ASB3: variants seen among roughly 807,000 people sequenced by gnomAD.
ASB3 encodes the protein ankyrin repeat and SOCS box containing 3, also known as ankyrin repeat and SOCS box protein 3.
Under a neutral mutation model 54.5 loss-of-function variants are expected in ASB3, and 41 were observed. The ratio of observed to expected loss-of-function variants is 0.75; its 90% CI spans 0.59 to 0.98. The LOEUF (loss-of-function observed/expected upper bound fraction) is 0.98, where lower values mean the gene tolerates loss of function less well. Among genes scored for constraint, ASB3 ranks in the 50% least tolerant of loss-of-function variants. ASB3 has a pLI of 0.00. For synonymous variants in ASB3, 266 were observed against 221.2 expected, an observed-to-expected ratio of 1.20 and a Z score of -1.80; for missense variants, 733 against 620.0, an observed-to-expected ratio of 1.18 and a Z score of -1.94.
chr2:53,746,597 G>A (rs1672241509), intron 3 of ASB3, among the ~76,000 whole-genome samples: 1 of 151,554 alleles, frequency 6.6e-6, no homozygotes, highest in Non-Finnish European at 1.5e-5. Flanking sequence ...TCCAGCCTCA[G>A]CCTCCCAAGT....
chr2:53,672,451 G>A (rs553953456), intron 9 of ASB3, among the ~76,000 whole-genome samples: 2 of 152,234 alleles, frequency 1.3e-5, no homozygotes, highest in South Asian at 4.1e-4. Context: ...AATACATATG[G>A]AAAGCAGGCC....
intron 6 of ASB3, among the ~76,000 whole-genome samples, chr2:53,715,352 TA>T (rs1468090840): frequency 1.3e-5 from 2 of 152,216 alleles, no homozygotes; most frequent in Admixed American, 1.3e-4. Context: ...CAGACAGGGC[TA>T]CTCTGAAGTA....
intron 7 of ASB3, among the ~76,000 whole-genome samples, chr2:53,704,673 TAA>T (rs1669674812): frequency 6.6e-6 from 1 of 152,172 alleles, no homozygotes; most frequent in South Asian, 2.1e-4. Context: ...TCAAAATGAA[TAA>T]GTCTCATATT....
At chr2:53,784,285 T>C (rs1292555427) in intron 1 of ASB3, among the ~76,000 whole-genome samples, 2 of 152,204 alleles carry the variant, frequency 1.3e-5, no homozygotes, top group African/African-American at 4.8e-5. Flanking sequence ...AAAACCCAAG[T>C]GTAGCCCGAC....
At chr2:53,773,168 C>A (rs545859924) in intron 1 of ASB3, among the ~76,000 whole-genome samples, 1 of 152,140 alleles carries the variant, frequency 6.6e-6, no homozygotes, top group South Asian at 2.1e-4. Context: ...TAACTTATAA[C>A]TCCTAATTAA....
chr2:53,763,961 C>T lies in ASB3; in HGVS notation c.196+1416G>A, dbSNP rs185505600. Reference sequence around the variant, plus strand: ...CATGTGATTTTAAAAACAATCATGACAAATTTCCTGCATTATGATTTAGGA... The same window carrying T: ...CATGTGATTTTAAAAACAATCATGATAAATTTCCTGCATTATGATTTAGGA... On this transcript the variant is annotated intron_variant, in intron 2 of 9. Coordinates refer to ENST00000263634, the MANE Select transcript of ASB3 (RefSeq NM_016115.5). Among the ~76,000 whole-genome samples the T allele has an allele frequency of 2.7e-3, 412 of 152,192 alleles. 3 individuals are homozygous for T. The highest frequency in any genetic ancestry group is 6.8e-3 in the Middle Eastern group (2 of 294).
chr2:53,759,490 C>T (rs1453403654), intron 2 of ASB3, among the ~76,000 whole-genome samples: 1 of 152,012 alleles, frequency 6.6e-6, no homozygotes, highest in African/African-American at 2.4e-5. Context: ...GCCTTAGGCC[C>T]GGAGCAAAAC....
At chr2:53,773,902 G>A (rs555431984) in intron 1 of ASB3, among the ~76,000 whole-genome samples, 1 of 152,146 alleles carries the variant, frequency 6.6e-6, no homozygotes, top group Admixed American at 6.5e-5. Context: ...GGGCATGGTG[G>A]TGCATTCCTG....
intron 3 of ASB3, among the ~76,000 whole-genome samples, chr2:53,738,945 AACAGGT>A (rs1671789149): frequency 6.6e-6 from 1 of 152,188 alleles, no homozygotes; most frequent in South Asian, 2.1e-4. Context: ...CTTCAATCCA[AACAGGT>A]AAGACTCCAA....
chr2:53,751,340 G>A (rs898194215), intron 2 of ASB3, among the ~76,000 whole-genome samples: 4 of 152,066 alleles, frequency 2.6e-5, no homozygotes, highest in African/African-American at 9.7e-5. Context: ...AAGGGAAATG[G>A]TCTGATCTCT....
At chr2:53,736,082 T>C (rs1469402361) in intron 3 of ASB3, among the ~76,000 whole-genome samples, 5 of 150,040 alleles carry the variant, frequency 3.3e-5, no homozygotes, top group African/African-American at 9.8e-5. Flanking sequence ...TTAAAAGCAA[T>C]AAACATAAAG....
chr2:53,693,726 C>A (rs1669037373), intron 9 of ASB3, among the ~76,000 whole-genome samples, 158 bp downstream of exon 9: 1 of 152,056 alleles, frequency 6.6e-6, no homozygotes, highest in Admixed American at 6.6e-5. Flanking sequence ...GAATTACTAG[C>A]CATCCCCTAA....
intron 9 of ASB3, among the ~76,000 whole-genome samples, chr2:53,690,231 G>A (rs1668836387): frequency 6.6e-6 from 1 of 151,680 alleles, no homozygotes; most frequent in Admixed American, 6.6e-5. Flanking sequence ...ACAAGACCCT[G>A]TCCCCCCAAA....
At chr2:53,695,247 A>G (rs1669124123) in intron 8 of ASB3, among the ~76,000 whole-genome samples, 1 of 152,300 alleles carries the variant, frequency 6.6e-6, no homozygotes, top group South Asian at 2.1e-4. Context: ...ATGATGGACT[A>G]AAGATTATGA....
At chr2:53,741,532 T>A (rs1323336274) in intron 3 of ASB3, among the ~76,000 whole-genome samples, 1 of 152,230 alleles carries the variant, frequency 6.6e-6, no homozygotes, top group Non-Finnish European at 1.5e-5. Context: ...GCTTCTTATA[T>A]AAATCGACTG....
rs1010325057 is a variant in ASB3, at chr2:53,749,188, T to C, written c.355+1595A>G. ...AGGAAAAAGGAAAGATGGAAAATAA[T>C]CATATGAATAGATGCTCAACATCAT... is the stretch of plus-strand genomic sequence containing the variant. On this transcript the variant is annotated intron_variant, in intron 3 of 9. Coordinates refer to ENST00000263634, the MANE Select transcript of ASB3 (RefSeq NM_016115.5). 2.6e-5 allele frequency among the ~76,000 whole-genome samples: 4 copies of C among 151,930 alleles called. No individual in the cohort carries two copies. In the South Asian group the frequency reaches 8.3e-4, roughly 32 times the overall value.
At chr2:53,773,948 T>C (rs1300469749) in intron 1 of ASB3, among the ~76,000 whole-genome samples, 1 of 152,064 alleles carries the variant, frequency 6.6e-6, no homozygotes, top group African/African-American at 2.4e-5. Context: ...GGCAGGAGAA[T>C]AGCTTGAACC....
At chr2:53,765,771 T>G (rs957460438) in intron 1 of ASB3, among the ~76,000 whole-genome samples, 186 bp from the exon 2 acceptor site, 1 of 152,190 alleles carries the variant, frequency 6.6e-6, no homozygotes, top group Admixed American at 6.5e-5. Context: ...TTTCTCTGTT[T>G]GGCAGATTGG....
chr2:53,720,683 AAAATTAAAAAACAAATTCTGGGTGT>A (rs1670655940), intron 5 of ASB3, among the ~76,000 whole-genome samples: 1 of 152,198 alleles, frequency 6.6e-6, no homozygotes, highest in Non-Finnish European at 1.5e-5. Context: ...ACTGAGGCAG[AAAATTAAAAAACAAATTCTGGGTGT>A]AAATTCAACA....
Sources: gnomAD v4.1 joint callset for allele counts (sites outside exome capture counted in the v4.1 genomes callset) on GRCh38, gnomAD v4.1.1 for gene constraint, MANE v1.5 for transcripts, NCBI Gene and HGNC (gene_info 2026-07-23, HGNC 2026-07-21) for gene names.